SLC30A7: variants seen among roughly 807,000 people sequenced by gnomAD.
SLC30A7 encodes solute carrier family 30 member 7.
A neutral mutation model predicts 46.0 loss-of-function variants in SLC30A7; 35 were observed. That is an observed-to-expected ratio of 0.76 (90% CI 0.58 to 1.01). The LOEUF (loss-of-function observed/expected upper bound fraction) is 1.01. Ranked by LOEUF, SLC30A7 falls within the 50% of genes least tolerant of loss-of-function variation. SLC30A7 has a pLI of 0.00. For missense variants in SLC30A7, 464 were observed against 451.1 expected, an observed-to-expected ratio of 1.03 and a Z score of -0.26; for synonymous variants, 147 against 157.8, an observed-to-expected ratio of 0.93 and a Z score of 0.51.
chr1:100,911,701 C>G (rs1411382247), intron 4 of SLC30A7, among the ~76,000 whole-genome samples: 1 of 152,054 alleles, frequency 6.6e-6, no homozygotes, highest in Non-Finnish European at 1.5e-5. Context: ...AGGAGCCCAC[C>G]ACCATGCCCA....
At chr1:100,933,988 T>C (rs952872754) in intron 8 of SLC30A7, among the ~76,000 whole-genome samples, 9 of 152,266 alleles carry the variant, frequency 5.9e-5, no homozygotes, top group African/African-American at 1.7e-4. Flanking sequence ...TGGCATAGTG[T>C]ATCTCTATAT....
chr1:100,918,182 T>C (rs576108005), intron 7 of SLC30A7, 55 bp downstream of exon 7: 2 of 1,459,870 alleles, frequency 1.4e-6, no homozygotes, highest in Non-Finnish European at 1.9e-6. Flanking sequence ...TTTATAGTTT[T>C]GAAGTTTTAG....
intron 8 of SLC30A7, among the ~76,000 whole-genome samples, chr1:100,955,235 C>T (rs1050854281): frequency 4.6e-5 from 7 of 152,054 alleles, no homozygotes; most frequent in African/African-American, 1.7e-4. Context: ...AGTAGTGAGG[C>T]TCTTTCACTA....
intron 6 of SLC30A7, among the ~76,000 whole-genome samples, chr1:100,917,322 C>T (rs1557982854): frequency 6.6e-6 from 1 of 152,132 alleles, no homozygotes; most frequent in African/African-American, 2.4e-5. Flanking sequence ...TTCTTTGTTA[C>T]ATTATTGCAG....
intron 4 of SLC30A7, among the ~76,000 whole-genome samples, chr1:100,911,537 A>G (rs1475486001): frequency 2.0e-5 from 3 of 151,848 alleles, no homozygotes; most frequent in African/African-American, 7.3e-5. Context: ...GAAATGCAGT[A>G]TTTTTTTTAA....
At chr1:100,973,586 A>G (rs534071203) in intron 10 of SLC30A7, among the ~76,000 whole-genome samples, 47 of 152,258 alleles carry the variant, frequency 3.1e-4, no homozygotes, top group African/African-American at 1.1e-3. Flanking sequence ...AACAATAAAC[A>G]CCGTGAATAA....
Position 100,961,831 on chromosome 1 carries a change from TA to T in SLC30A7, c.847del (p.Ile283PhefsTer4). 6.3e-7 allele frequency: 1 copy of T among 1,584,238 alleles called. No homozygotes were observed. The highest frequency in any genetic ancestry group is 8.6e-7 in the Non-Finnish European group (1 of 1,157,920). ...TTGTTGTCTTCCTTTTCCTTAGTGT[TA>T]TTCCTCTTTTAAGAGAATCTGTTGG... ...LIAILIVVSVIPLLRESVGIL... is the reference protein window; with the variant it reads ...LIAILIVVSVXPLLRESVGIL... On this transcript the variant is annotated frameshift_variant, in exon 9 of 11. Transcript: ENST00000357650. LOFTEE classifies it high-confidence loss of function.
the SLC30A7 span, chr1:100,990,720 T>C: frequency 8.2e-7 from 1 of 1,221,776 alleles, no homozygotes. Flanking sequence ...CAAGTACATT[T>C]CAAGAAGCCC....
intron 8 of SLC30A7, among the ~76,000 whole-genome samples, chr1:100,950,750 G>A (rs1032397607): frequency 5.3e-5 from 8 of 152,256 alleles, no homozygotes; most frequent in Admixed American, 1.3e-4. Context: ...CTTTAACCCC[G>A]ACTAGTTAAA....
chr1:100,949,952 C>T (rs1265100701), intron 8 of SLC30A7, among the ~76,000 whole-genome samples: 2 of 152,320 alleles, frequency 1.3e-5, no homozygotes, highest in East Asian at 1.9e-4. Context: ...GGAAATCCCC[C>T]AACCCCTTGC....
downstream of SLC30A7, among the ~76,000 whole-genome samples, chr1:100,982,295 T>C (rs1656986386): frequency 1.3e-5 from 2 of 152,250 alleles, no homozygotes; most frequent in South Asian, 2.1e-4. Context: ...TCAGATTCCT[T>C]GTATGTGGTC....
intron 10 of SLC30A7, among the ~76,000 whole-genome samples, chr1:100,967,712 G>T (rs2101094420): frequency 6.6e-6 from 1 of 152,260 alleles, no homozygotes. Flanking sequence ...TGTTAACTTG[G>T]ATTCTTTTAA....
At chr1:100,962,305 C>T (rs1180229333) in intron 9 of SLC30A7, among the ~76,000 whole-genome samples, 1 of 152,008 alleles carries the variant, frequency 6.6e-6, no homozygotes, top group Non-Finnish European at 1.5e-5. Flanking sequence ...TGGGGAAATA[C>T]AGTAACTAAA....
At chr1:100,902,630 CT>C (rs1269006282) in intron 2 of SLC30A7, among the ~76,000 whole-genome samples, 1 of 152,150 alleles carries the variant, frequency 6.6e-6, no homozygotes, top group Non-Finnish European at 1.5e-5. Flanking sequence ...GAGGAAGAAT[CT>C]GTTCCATGAT....
intron 6 of SLC30A7, among the ~76,000 whole-genome samples, chr1:100,915,487 G>A (rs752223087): frequency 6.6e-6 from 1 of 152,034 alleles, no homozygotes; most frequent in African/African-American, 2.4e-5. Context: ...GTTGCTATGA[G>A]TTTGACTATT....
intron 6 of SLC30A7, 40 bp downstream of exon 6, chr1:100,913,846 A>C: frequency 6.3e-7 from 1 of 1,578,078 alleles, no homozygotes; most frequent in Non-Finnish European, 8.6e-7. Flanking sequence ...CCTCCAAATA[A>C]ACAAGAGTTT....
At chr1:100,910,674 C>A (rs1317347672) in intron 3 of SLC30A7, among the ~76,000 whole-genome samples, 1 of 152,050 alleles carries the variant, frequency 6.6e-6, no homozygotes, top group African/African-American at 2.4e-5. Context: ...GTTTAAAAAA[C>A]CCCCTTTTCC....
chr1:100,994,037 C>T, the SLC30A7 span, among the ~76,000 whole-genome samples: 26 of 152,022 alleles, frequency 1.7e-4, no homozygotes, highest in Admixed American at 7.9e-4. Flanking sequence ...CCACCACGCC[C>T]AGCCAAAAAA....
intron 8 of SLC30A7, among the ~76,000 whole-genome samples, chr1:100,954,113 A>G (rs1558002396): frequency 1.3e-5 from 2 of 152,168 alleles, no homozygotes. Context: ...TCTTCAGCAG[A>G]CGTGTTAAGT....
Sources: gnomAD v4.1 joint callset for allele counts (sites outside exome capture counted in the v4.1 genomes callset) on GRCh38, gnomAD v4.1.1 for gene constraint, MANE v1.5 for transcripts, NCBI Gene and HGNC (gene_info 2026-07-23, HGNC 2026-07-21) for gene names.